The following C2CD3 variants were observed in gnomAD, a reference collection of about 807,000 sequenced individuals.
C2CD3 encodes the protein C2 domain-containing protein 3.
In C2CD3, 148 loss-of-function variants were observed where a neutral mutation model predicts 234.0. The observed-to-expected ratio is 0.63, with a 90% confidence interval of 0.55 to 0.72. The LOEUF (loss-of-function observed/expected upper bound fraction) is 0.72, where lower values mean the gene tolerates loss of function less well. C2CD3 is among the 30% of genes least tolerant of loss of function. The probability of loss-of-function intolerance (pLI) is 0.00; values close to 1 mark genes in which losing one functional copy is unlikely to be tolerated. For synonymous variants in C2CD3, 1,000 were observed against 1,035.4 expected, an observed-to-expected ratio of 0.97 and a Z score of 0.66; for missense variants, 2,577 against 2,811.5, an observed-to-expected ratio of 0.92 and a Z score of 1.89.
chr11:74,061,486 A>C (rs554981300), intron 24 of C2CD3, among the ~76,000 whole-genome samples: 1 of 152,246 alleles, frequency 6.6e-6, no homozygotes, highest in African/African-American at 2.4e-5. Flanking sequence ...ATTCTCAAAG[A>C]AAAGAATTTT....
chr11:74,110,418 C>CA (rs1956701747), intron 11 of C2CD3: 1 of 152,242 alleles, frequency 6.6e-6, no homozygotes, highest in African/African-American at 2.4e-5. Context: ...CACTGTTGGA[C>CA]AGGATCTGGA....
Position 74,057,527 on chromosome 11 carries a change from G to C in C2CD3, c.4969C>G (p.Arg1657Gly). 6.2e-7 allele frequency: 1 copy of C among 1,614,054 alleles called. No homozygotes were observed. The highest frequency in any genetic ancestry group is 1.3e-5 in the African/African-American group (1 of 75,022). The change falls in exon 25 of 33, where the codon CGG becomes GGG. Residue 1657 changes from arginine to glycine, a missense_variant. Transcript: ENST00000334126. ...LSLKGSPLTE[R>G]KVSIPSCCVS... is the part of the protein sequence containing the mutation. ...CAACAACTGGGTATCGATACTTTCC[G>C]CTCTGTCAAGGGGCTCCCTGAAATA...
chr11:74,037,652 TC>T lies in C2CD3; in HGVS notation c.5706del (p.Lys1903SerfsTer35). The T allele has an allele frequency of 6.2e-7, 1 of 1,614,068 alleles. No homozygotes were observed. On this transcript the variant is annotated frameshift_variant, in exon 30 of 33. Transcript: ENST00000334126. LOFTEE classifies it high-confidence loss of function. The stretch of plus-strand genomic sequence containing the variant: ...AGGGGTAGGAAAGGCTTGGTGAGCT[TC>T]TGGCGGAAGTACCTCTGAATCTGAT... The part of the protein sequence containing the change: ...ELDQIQRYFR[Q>X]KLTKPFLPLS...
rs150981535 is a variant in C2CD3, at chr11:74,075,135, A to C, written c.4604-535T>G. Among the ~76,000 whole-genome samples the C allele has an allele frequency of 2.8e-4, 43 of 152,144 alleles. No homozygotes were observed. The Middle Eastern group carries it at 0.01, about 36-fold the overall frequency. ...AAACAAAAGTAATGAAAATAGTAAG[A>C]TCTCTGATTTAAAGCCAAAGCCAAA... On this transcript the variant is annotated intron_variant, in intron 23 of 32. Transcript: ENST00000334126.
In C2CD3 at chr11:74,103,385, G is replaced by A. The variant is rs761643306; in HGVS notation, c.2326C>T (p.Pro776Ser). 18 of 1,614,218 alleles carry A rather than the reference G, an allele frequency of 1.1e-5. No homozygotes were observed. The South Asian group carries it at 1.8e-4, about 16-fold the overall frequency. ...GTAGCTACGAAGGTTGAAGGATGTG[G>A]TGCTACAGGGCTTGGTGACTTTCGG... ...PNRKSPSPVA[P>S]HPSTFVATPA... Residue 776 changes from proline (P) to serine (S), a missense_variant, in exon 14 of 33, where the codon CCA becomes TCA. By Grantham distance (74) the Pro-to-Ser change is moderately conservative. Transcript: ENST00000334126.
intron 2 of C2CD3, among the ~76,000 whole-genome samples, chr11:74,166,885 C>T (rs1294309262): frequency 6.6e-6 from 1 of 152,102 alleles, no homozygotes; most frequent in East Asian, 1.9e-4. Context: ...CAGGTAAGTG[C>T]TATTTTTCCC....
chr11:74,161,488 T>C lies in C2CD3; in HGVS notation c.394A>G (p.Asn132Asp). The C allele has an allele frequency of 6.2e-7, 1 of 1,600,430 alleles. No individual in the cohort carries two copies. Among genetic ancestry groups the C allele is most frequent in the Non-Finnish European group, 8.5e-7 (1 of 1,171,324 alleles). ...DGLPIGRVQI[N>D]GLAQLSPTHQ... ...GTTGGAGAAAGTTGAGCTAGTCCAT[T>C]GATCTGAACTCTACCAATTGGAAGA... The change falls in exon 3 of 33, where the codon AAT becomes GAT. Residue 132 changes from asparagine (N) to aspartate (D), a missense_variant. By Grantham distance (23) the Asn-to-Asp change is conservative. Coordinates refer to ENST00000334126, the MANE Select transcript of C2CD3 (RefSeq NM_001286577.2).
intron 3 of C2CD3, among the ~76,000 whole-genome samples, chr11:74,140,452 T>C (rs1216167372): frequency 6.6e-6 from 1 of 152,218 alleles, no homozygotes; most frequent in Non-Finnish European, 1.5e-5. Flanking sequence ...TACTGAACCT[T>C]TTACTACAGG....
chr11:74,073,423 C>T (rs1478153491), intron 24 of C2CD3, among the ~76,000 whole-genome samples: 1 of 151,784 alleles, frequency 6.6e-6, no homozygotes, highest in Non-Finnish European at 1.5e-5. Flanking sequence ...CACATCTCTA[C>T]TAAAAATACA....
At chr11:74,165,317 T>A (rs745921805) in intron 2 of C2CD3, among the ~76,000 whole-genome samples, 2 of 152,202 alleles carry the variant, frequency 1.3e-5, no homozygotes, top group Non-Finnish European at 2.9e-5. Flanking sequence ...TATATTTCAC[T>A]CATTTGTAAA....
intron 3 of C2CD3, among the ~76,000 whole-genome samples, chr11:74,151,572 C>G (rs1199172408): frequency 3.9e-5 from 6 of 152,100 alleles, no homozygotes; most frequent in Non-Finnish European, 8.8e-5. Flanking sequence ...AGTGATCCAG[C>G]TGCCTTGGCC....
At chr11:74,031,729 A>G (rs543142402) in intron 31 of C2CD3, among the ~76,000 whole-genome samples, 16 of 152,296 alleles carry the variant, frequency 1.1e-4, no homozygotes, top group African/African-American at 3.8e-4. Context: ...AATAGTCAGG[A>G]AGGCCTAAGT....
At chr11:74,087,687 A>G (rs1012087949) in intron 20 of C2CD3, among the ~76,000 whole-genome samples, 3 of 152,216 alleles carry the variant, frequency 2.0e-5, no homozygotes, top group African/African-American at 7.2e-5. Flanking sequence ...ACTTTCAGAG[A>G]TGGCAGTGAG....
intron 3 of C2CD3, among the ~76,000 whole-genome samples, chr11:74,143,535 TTA>T (rs143669000): frequency 8.2e-5 from 12 of 145,856 alleles, no homozygotes; most frequent in African/African-American, 1.0e-4. Context: ...TTTTATATAT[TTA>T]TATATATATA....
At chr11:74,091,314 A>G (rs1955885419) in intron 19 of C2CD3, 2 of 163,010 alleles carry the variant, frequency 1.2e-5, no homozygotes, top group South Asian at 3.4e-4. Context: ...TACTTCTATC[A>G]CCCTCCTACC....
chr11:74,141,388 T>C (rs1166585541), intron 3 of C2CD3, among the ~76,000 whole-genome samples: 1 of 152,194 alleles, frequency 6.6e-6, no homozygotes, highest in African/African-American at 2.4e-5. Flanking sequence ...TCCTGGTTGC[T>C]CAAACATAAA....
intron 3 of C2CD3, among the ~76,000 whole-genome samples, chr11:74,141,242 G>T (rs1317095287): frequency 6.6e-6 from 1 of 152,192 alleles, no homozygotes; most frequent in Non-Finnish European, 1.5e-5. Context: ...GTCTTGATGA[G>T]AATTCTGTTC....
chr11:74,109,706 TA>T (rs1421715687), intron 11 of C2CD3, among the ~76,000 whole-genome samples: 1 of 152,120 alleles, frequency 6.6e-6, no homozygotes, highest in Non-Finnish European at 1.5e-5. Context: ...GCTATAACTA[TA>T]AGTGTAAGTG....
intron 29 of C2CD3, among the ~76,000 whole-genome samples, chr11:74,040,941 C>T (rs565102076): frequency 4.3e-4 from 65 of 150,284 alleles, no homozygotes; most frequent in Non-Finnish European, 7.1e-4. Context: ...CACACACACC[C>T]CTTTTAAACA....
Sources: gnomAD v4.1 joint callset for allele counts (sites outside exome capture counted in the v4.1 genomes callset) on GRCh38, gnomAD v4.1.1 for gene constraint, MANE v1.5 for transcripts, NCBI Gene and HGNC (gene_info 2026-07-23, HGNC 2026-07-21) for gene names.